The following STAU2 variants were observed in gnomAD, a reference collection of about 807,000 sequenced individuals.
STAU2 encodes double-stranded RNA-binding protein Staufen homolog 2.
Under a neutral mutation model 65.9 loss-of-function variants are expected in STAU2, and 20 were observed. The ratio of observed to expected loss-of-function variants is 0.30; its 90% CI spans 0.21 to 0.44. The LOEUF is 0.44. STAU2 is among the 20% of genes least tolerant of loss of function. The pLI is 1.00. For missense variants in STAU2, 558 were observed against 683.9 expected, an observed-to-expected ratio of 0.82 and a Z score of 2.05; for synonymous variants, 232 against 233.9, an observed-to-expected ratio of 0.99 and a Z score of 0.07.
intron 13 of STAU2, among the ~76,000 whole-genome samples, chr8:73,544,880 ATCT>A (rs1373611955): frequency 6.6e-6 from 1 of 152,180 alleles, no homozygotes; most frequent in Non-Finnish European, 1.5e-5. Context: ...GCCGTGGGTT[ATCT>A]TCTTCTGCAT....
At chr8:73,486,652 TA>T (rs1325256439) in intron 13 of STAU2, among the ~76,000 whole-genome samples, 1 of 78,580 alleles carries the variant, frequency 1.3e-5, no homozygotes, top group East Asian at 2.6e-4. Context: ...AATATATATA[TA>T]TATATTTTTT....
At chr8:73,557,061 C>T (rs1463770105) in intron 12 of STAU2, among the ~76,000 whole-genome samples, 1 of 152,070 alleles carries the variant, frequency 6.6e-6, no homozygotes. Context: ...ATTCTAACTT[C>T]TATACTCAAT....
At chr8:73,519,887 T>C (rs2128928017) in intron 13 of STAU2, among the ~76,000 whole-genome samples, 1 of 152,296 alleles carries the variant, frequency 6.6e-6, no homozygotes, top group Non-Finnish European at 1.5e-5. Flanking sequence ...GGGAGACAGC[T>C]TGATAAGTGT....
chr8:73,545,831 T>G (rs1806878450), intron 13 of STAU2, among the ~76,000 whole-genome samples: 1 of 151,502 alleles, frequency 6.6e-6, no homozygotes. Context: ...GTATTTTTAG[T>G]AGAGACGGGG....
intron 12 of STAU2, among the ~76,000 whole-genome samples, chr8:73,575,143 A>T (rs1262815432): frequency 7.0e-6 from 1 of 142,972 alleles, no homozygotes; most frequent in African/African-American, 2.6e-5. Context: ...AAAAAAAAAA[A>T]GAGAGAAAAA....
At chr8:73,747,461 C>G, upstream of STAU2, 3 of 1,534,686 alleles carry the variant, frequency 2.0e-6, no homozygotes, top group Non-Finnish European at 2.6e-6. Flanking sequence ...CTCCGGCCGC[C>G]GCTGTGCAAC....
At chr8:73,730,016 A>G (rs962728215) in intron 3 of STAU2, among the ~76,000 whole-genome samples, 1 of 151,668 alleles carries the variant, frequency 6.6e-6, no homozygotes, top group Non-Finnish European at 1.5e-5. Context: ...TTATTTTCCT[A>G]TTCTCTATTT....
At chr8:73,698,182 A>G (rs1819810172) in intron 4 of STAU2, among the ~76,000 whole-genome samples, 1 of 152,216 alleles carries the variant, frequency 6.6e-6, no homozygotes. Flanking sequence ...AAATGCAAGA[A>G]ATTAAAGCAT....
chr8:73,655,639 CTTTTTTTTTTT>C (rs71269930), intron 6 of STAU2, among the ~76,000 whole-genome samples: 5 of 104,748 alleles, frequency 4.8e-5, no homozygotes, highest in African/African-American at 7.9e-5. Context: ...TTTAATACAT[CTTTTTTTTTTT>C]TTTTTTTTTT....
chr8:73,686,993 A>C (rs1482953909), intron 5 of STAU2, among the ~76,000 whole-genome samples: 2 of 149,970 alleles, frequency 1.3e-5, no homozygotes, highest in Non-Finnish European at 3.0e-5. Context: ...GCCAGGTTCA[A>C]GCAATTCTCC....
At chr8:73,530,151 C>T (rs1432146314) in intron 13 of STAU2, among the ~76,000 whole-genome samples, 2 of 152,104 alleles carry the variant, frequency 1.3e-5, no homozygotes, top group African/African-American at 2.4e-5. Context: ...TGGAACAGAA[C>T]CATCATGCCA....
chr8:73,622,135 T>TAGTAGAGACAGGG lies in STAU2; in HGVS notation c.411-4685_411-4684insCCCTGTCTCTACT, dbSNP rs1357111840. 9.2e-4 allele frequency among the ~76,000 whole-genome samples: 57 copies of TAGTAGAGACAGGG among 61,700 alleles called. 5 individuals are homozygous for TAGTAGAGACAGGG. Among genetic ancestry groups the TAGTAGAGACAGGG allele is most frequent in the East Asian group, 2.7e-3 (4 of 1,494 alleles). The allele number at this position is 61,700 out of a possible 152,430, so 40.5% of individuals were successfully genotyped here. On this transcript the variant is annotated intron_variant, in intron 6 of 14. Coordinates refer to ENST00000524300, the MANE Select transcript of STAU2 (RefSeq NM_001164380.2). ...CCATGCCCAGCTAATTTTTTTTTTT[T>TAGTAGAGACAGGG]TTTTTTTTTTGAGACGGAGTCTCGC...
At chr8:73,444,924 T>A (rs1818389119) in intron 13 of STAU2, among the ~76,000 whole-genome samples, 1 of 152,178 alleles carries the variant, frequency 6.6e-6, no homozygotes, top group Non-Finnish European at 1.5e-5. Context: ...TAACTCTCAT[T>A]GTGTCTTCAA....
chr8:73,677,582 G>C (rs1300984043), intron 5 of STAU2, among the ~76,000 whole-genome samples: 1 of 152,152 alleles, frequency 6.6e-6, no homozygotes, highest in Non-Finnish European at 1.5e-5. Flanking sequence ...TATCACAAGA[G>C]TCTACTGTCT....
intron 13 of STAU2, among the ~76,000 whole-genome samples, chr8:73,494,225 T>C (rs941602281): frequency 6.6e-6 from 1 of 151,620 alleles, no homozygotes; most frequent in Non-Finnish European, 1.5e-5. Context: ...GTACTCGGGG[T>C]GGAGGGAGTA....
chr8:73,426,228 T>C (rs1816816102), intron 13 of STAU2, among the ~76,000 whole-genome samples: 1 of 152,164 alleles, frequency 6.6e-6, no homozygotes, highest in Non-Finnish European at 1.5e-5. Context: ...GGTAACAATG[T>C]TGCAATACAC....
intron 3 of STAU2, among the ~76,000 whole-genome samples, chr8:73,713,674 T>C (rs1821048057): frequency 6.6e-6 from 1 of 152,014 alleles, no homozygotes; most frequent in South Asian, 2.1e-4. Flanking sequence ...AGCAGAAAAC[T>C]GGCAGAATAC....
intron 13 of STAU2, among the ~76,000 whole-genome samples, chr8:73,491,404 T>C (rs1414722335): frequency 6.6e-6 from 1 of 151,998 alleles, no homozygotes; most frequent in Non-Finnish European, 1.5e-5. Context: ...TTGTCAATAG[T>C]TGCCTATTTT....
At chr8:73,436,740 C>T (rs1372544499) in intron 13 of STAU2, among the ~76,000 whole-genome samples, 1 of 152,010 alleles carries the variant, frequency 6.6e-6, no homozygotes, top group Non-Finnish European at 1.5e-5. Flanking sequence ...GCATGCACCA[C>T]CACACCCAGC....
Sources: allele counts gnomAD v4.1 joint callset (sites outside exome capture counted in the v4.1 genomes callset), GRCh38; gene constraint gnomAD v4.1.1; transcripts MANE v1.5; gene names NCBI Gene and HGNC (gene_info 2026-07-23, HGNC 2026-07-21).